CAMK2B: variants seen among roughly 807,000 people sequenced by gnomAD.
CAMK2B encodes the protein calcium/calmodulin-dependent protein kinase type II subunit beta.
A neutral mutation model predicts 93.7 loss-of-function variants in CAMK2B; 27 were observed. The ratio of observed to expected loss-of-function variants is 0.29; its 90% confidence interval spans 0.21 to 0.40. The LOEUF is 0.40. Ranked by LOEUF, CAMK2B falls within the 10% of genes least tolerant of loss-of-function variation. The probability of loss-of-function intolerance (pLI) is 1.00; values close to 1 mark genes in which losing one functional copy is unlikely to be tolerated. For missense variants in CAMK2B, 568 were observed against 895.8 expected (o/e 0.63, Z 4.67); for synonymous variants, 374 against 358.8 (o/e 1.04, Z -0.48).
At chr7:44,242,537 CAG>C in intron 9 of CAMK2B, 21 bp downstream of exon 9, 3 of 1,585,892 alleles carry the variant, frequency 1.9e-6, no homozygotes, top group African/African-American at 2.7e-5. Flanking sequence ...GGGAGCTCAT[CAG>C]AGAGGGGCTG....
intron 12 of CAMK2B, 91 bp from the exon 13 acceptor site, chr7:44,239,754 G>A: frequency 1.1e-6 from 1 of 872,582 alleles, no homozygotes; most frequent in South Asian, 1.5e-5. Context: ...AGAGACAAAG[G>A]AAGCAGAAGA....
rs1362235208 is a variant in CAMK2B at position 44,248,195 on chromosome 7, C to G, written c.342-1003G>C. Among the ~76,000 whole-genome samples the G allele has an allele frequency of 6.6e-6, 1 of 152,152 alleles. No homozygotes were observed. Among genetic ancestry groups the G allele is most frequent in the Non-Finnish European group, 1.5e-5 (1 of 68,014 alleles). Reference sequence around the variant, plus strand: ...CACAGCACTGAGCACACGGAGCTTCCCCTTCAACCCTTCCTCTCATAGTCA... The same window carrying G: ...CACAGCACTGAGCACACGGAGCTTCGCCTTCAACCCTTCCTCTCATAGTCA... On this transcript the variant is annotated intron_variant, in intron 5 of 23. Coordinates refer to ENST00000395749, the MANE Select transcript of CAMK2B (RefSeq NM_001220.5). The surrounding 1 kb of genome is among the most constrained non-coding windows in gnomAD (Gnocchi z 4.1).
intron 3 of CAMK2B, among the ~76,000 whole-genome samples, 192 bp downstream of exon 3, chr7:44,262,813 T>C (rs990138229): frequency 2.6e-5 from 4 of 152,188 alleles, no homozygotes; most frequent in African/African-American, 9.7e-5. Flanking sequence ...GGGAATCATG[T>C]CACATACGAC....
At chr7:44,317,964 C>G (rs1213904175) in intron 1 of CAMK2B, among the ~76,000 whole-genome samples, 1 of 152,122 alleles carries the variant, frequency 6.6e-6, no homozygotes, top group Non-Finnish European at 1.5e-5. Flanking sequence ...TGCTGATACC[C>G]CATTTCCCTA....
chr7:44,312,026 G>C lies in CAMK2B; in HGVS notation c.65+13331C>G, dbSNP rs902516934. Among the ~76,000 whole-genome samples, 1 of 152,308 alleles carries C rather than the reference G, an allele frequency of 6.6e-6. No individual in the cohort carries two copies. Among genetic ancestry groups the C allele is most frequent in the South Asian group, 2.1e-4 (1 of 4,824 alleles). ...ACATCTCTGTCCCCACAGCCCAGAG[G>C]GGGAAACTGAGCCCCAGTGTGTGCT... On this transcript the variant is annotated intron_variant, in intron 1 of 23. Transcript: ENST00000395749. The surrounding 1 kb of genome is among the most constrained non-coding windows in gnomAD (Gnocchi z 4.1).
At chr7:44,221,667 C>T (rs1464160562) in intron 20 of CAMK2B, among the ~76,000 whole-genome samples, 2 of 152,196 alleles carry the variant, frequency 1.3e-5, no homozygotes, top group Non-Finnish European at 2.9e-5. Flanking sequence ...TCCCTGTTGC[C>T]CCGCACCCCC....
intron 12 of CAMK2B, 85 bp downstream of exon 12, chr7:44,240,622 A>G: frequency 6.9e-7 from 1 of 1,452,364 alleles, no homozygotes; most frequent in Non-Finnish European, 9.6e-7. Context: ...GGAGGAGTGG[A>G]GAGGCTGGTG....
intron 15 of CAMK2B, 100 bp downstream of exon 15, chr7:44,234,290 G>C: frequency 9.1e-7 from 1 of 1,099,730 alleles, no homozygotes; most frequent in South Asian, 1.7e-5. Flanking sequence ...AGGCCAGGCG[G>C]GGCCAGACCC....
At chr7:44,244,857 T>C (rs760773291) in intron 6 of CAMK2B, 31 of 448,446 alleles carry the variant, frequency 6.9e-5, no homozygotes, top group South Asian at 2.7e-4. Context: ...CAAGGCAGCA[T>C]TGGGGGCTTC....
chr7:44,257,625 G>A (rs1250540890), intron 4 of CAMK2B, among the ~76,000 whole-genome samples: 3 of 152,266 alleles, frequency 2.0e-5, no homozygotes, highest in East Asian at 1.9e-4. Flanking sequence ...CAGGACAGAC[G>A]TTTCAGGACA....
chr7:44,234,782 C>A, intron 13 of CAMK2B, 106 bp from the exon 14 acceptor site: 2 of 1,263,156 alleles, frequency 1.6e-6, no homozygotes, highest in East Asian at 2.5e-5. Context: ...GGAGCAAGCC[C>A]AGGGTCCTGA....
chr7:44,260,161 C>A (rs2096867829), intron 3 of CAMK2B, among the ~76,000 whole-genome samples: 1 of 152,096 alleles, frequency 6.6e-6, no homozygotes, highest in Non-Finnish European at 1.5e-5. Flanking sequence ...GACGTAGCCA[C>A]CTTCTCCTAG....
intron 15 of CAMK2B, 123 bp from the exon 16 acceptor site, chr7:44,232,989 A>G: frequency 1.2e-6 from 1 of 821,248 alleles, no homozygotes; most frequent in Non-Finnish European, 2.1e-6. Flanking sequence ...CCTGCGAGAA[A>G]GAAGTGCAGA....
chr7:44,254,964 A>G (rs1012523490), intron 4 of CAMK2B, among the ~76,000 whole-genome samples: 47 of 151,878 alleles, frequency 3.1e-4, no homozygotes, highest in Non-Finnish European at 3.8e-4. Flanking sequence ...TGACTTGCCC[A>G]GAGTGGGCAG....
rs772012531 is a variant in CAMK2B, at chr7:44,228,737, G to A, written c.1468+59C>T. ...TGCAGGTGGGAAGCTGCTGAGCGCC[G>A]GCCATTCGCAGGGAGCTGTCCGGCA... On this transcript the variant is annotated intron_variant, in intron 19 of 23. Coordinates refer to ENST00000395749, the MANE Select transcript of CAMK2B (RefSeq NM_001220.5). 382 of 1,404,550 alleles carry A rather than the reference G, an allele frequency of 2.7e-4. 1 individual carries two copies. Among genetic ancestry groups the A allele is most frequent in the South Asian group, 1.2e-3 (74 of 62,954 alleles). The allele number at this position is 1,404,550 out of a possible 1,614,324, so 87.0% of individuals were successfully genotyped here.
intron 2 of CAMK2B, among the ~76,000 whole-genome samples, chr7:44,270,811 C>A (rs1326898702): frequency 1.3e-5 from 2 of 152,272 alleles, no homozygotes; most frequent in Non-Finnish European, 2.9e-5. Context: ...TCAGCAGCCC[C>A]TCCCTGCACT....
chr7:44,247,411 A>G (rs936105396), intron 5 of CAMK2B, among the ~76,000 whole-genome samples: 8 of 152,156 alleles, frequency 5.3e-5, no homozygotes, highest in African/African-American at 1.9e-4. Context: ...CTCTGGGCCC[A>G]TATCTGTTCA....
chr7:44,277,985 T>C (rs1240172704), intron 2 of CAMK2B, among the ~76,000 whole-genome samples: 1 of 152,196 alleles, frequency 6.6e-6, no homozygotes, highest in Non-Finnish European at 1.5e-5. Context: ...GGAAGGGTGT[T>C]ATGCTCTCCC....
intron 1 of CAMK2B, among the ~76,000 whole-genome samples, chr7:44,290,937 G>A (rs182622823): frequency 6.6e-6 from 1 of 152,150 alleles, no homozygotes; most frequent in African/African-American, 2.4e-5. Flanking sequence ...ATGCGTTGAC[G>A]TTGCCTCCAT....
Sources: allele counts gnomAD v4.1 joint callset (sites outside exome capture counted in the v4.1 genomes callset), GRCh38; gene constraint gnomAD v4.1.1; non-coding constraint Gnocchi (gnomAD v3.1); transcripts MANE v1.5; gene names NCBI Gene and HGNC (gene_info 2026-07-23, HGNC 2026-07-21).